Variants in JAZF1 observed in about 807,000 individuals in gnomAD.
JAZF1 encodes juxtaposed with another zinc finger protein 1.
Under a neutral mutation model 26.4 loss-of-function variants are expected in JAZF1, and 8 were observed. The ratio of observed to expected loss-of-function variants is 0.30; its 90% CI spans 0.18 to 0.55. The LOEUF (loss-of-function observed/expected upper bound fraction) is 0.55. Among genes scored for constraint, JAZF1 ranks in the 20% least tolerant of loss-of-function variants. The pLI, the probability that JAZF1 is intolerant of heterozygous loss-of-function variation, is 0.94. For synonymous variants in JAZF1, 126 were observed against 122.3 expected (o/e 1.03, Z -0.20); for missense variants, 199 against 322.0 (o/e 0.62, Z 2.92).
At position 28,160,134 on chromosome 7, in the gene JAZF1, G is replaced by A. The variant is rs118102052; in HGVS notation, c.115+20329C>T. Among the ~76,000 whole-genome samples the A allele has an allele frequency of 3.7e-3, 558 of 152,196 alleles. 1 individual carries two copies. The highest frequency in any genetic ancestry group is 0.01 in the Middle Eastern group (3 of 294). ...ACAGATTACATATAGGACATCAACA[G>A]ATGCACAGTTTATCTGTGGTATTAA... On this transcript the variant is annotated intron_variant, in intron 1 of 4. Coordinates refer to ENST00000283928, the MANE Select transcript of JAZF1 (RefSeq NM_175061.4).
intron 1 of JAZF1, chr7:28,020,802 G>C: frequency 2.4e-6 from 1 of 415,494 alleles, no homozygotes; most frequent in Non-Finnish European, 4.9e-6. Context: ...GCTTCTTTAG[G>C]AGAATTACCA....
At chr7:28,164,604 TA>T (rs34804541) in intron 1 of JAZF1, among the ~76,000 whole-genome samples, 1 of 152,226 alleles carries the variant, frequency 6.6e-6, no homozygotes, top group Non-Finnish European at 1.5e-5. Flanking sequence ...ATGGAATTCA[TA>T]AAATACTACC....
chr7:28,131,982 T>G (rs1411196607), intron 1 of JAZF1, among the ~76,000 whole-genome samples: 1 of 152,142 alleles, frequency 6.6e-6, no homozygotes, highest in Non-Finnish European at 1.5e-5. Flanking sequence ...ACTGACCACA[T>G]AAAATATTGA....
chr7:28,060,085 TATTA>T lies in JAZF1; in HGVS notation c.116-68108_116-68105del, dbSNP rs1209693252. Among the ~76,000 whole-genome samples, 11 of 152,342 alleles carry T rather than the reference TATTA, an allele frequency of 7.2e-5. No individual in the cohort carries two copies. In the East Asian group the frequency reaches 1.5e-3, roughly 21 times the overall value. ...TTTTATTCAATTTTATCTCCTAGCTTATTAATTCTTTATTTGATTCTATCTAATC... is the reference window on the plus strand; with the variant it reads ...TTTTATTCAATTTTATCTCCTAGCTTATTCTTTATTTGATTCTATCTAATC... On this transcript the variant is annotated intron_variant, in intron 1 of 4. Transcript: ENST00000283928.
intron 1 of JAZF1, among the ~76,000 whole-genome samples, chr7:28,034,469 TACACACAC>T (rs59979673): frequency 1.3e-3 from 194 of 145,394 alleles, no homozygotes; most frequent in African/African-American, 3.9e-3. Context: ...AGAAAACTAA[TACACACAC>T]ACACACACAC....
chr7:28,147,780 T>G (rs1583585353), intron 1 of JAZF1, among the ~76,000 whole-genome samples: 1 of 147,248 alleles, frequency 6.8e-6, no homozygotes, highest in Admixed American at 6.8e-5. Flanking sequence ...TACCTGGGAG[T>G]GGGCTGGGGG....
At chr7:27,889,153 T>G (rs975867220) in intron 3 of JAZF1, among the ~76,000 whole-genome samples, 2 of 152,178 alleles carry the variant, frequency 1.3e-5, no homozygotes, top group Admixed American at 1.3e-4. Flanking sequence ...TTTTAAAAAC[T>G]CCCAATGCCC....
chr7:28,132,471 T>C (rs1023706401), intron 1 of JAZF1, among the ~76,000 whole-genome samples: 1 of 152,192 alleles, frequency 6.6e-6, no homozygotes, highest in Non-Finnish European at 1.5e-5. Flanking sequence ...AGGAGTCAAC[T>C]TCAAGGACAT....
intron 1 of JAZF1, among the ~76,000 whole-genome samples, chr7:27,995,419 G>A (rs940336662): frequency 6.6e-6 from 1 of 152,140 alleles, no homozygotes; most frequent in Non-Finnish European, 1.5e-5. Flanking sequence ...GAAGTGACAG[G>A]AAGATAAACT....
At position 27,973,296 on chromosome 7, in the gene JAZF1, G is replaced by A. The variant is rs545465312; in HGVS notation, c.188+18613C>T. ...CACCCAGGCTGGAGTGTGTGTGTGTGTATATATATTTATTTTTATTATTTT... is the reference window on the plus strand; with the variant it reads ...CACCCAGGCTGGAGTGTGTGTGTGTATATATATATTTATTTTTATTATTTT... On this transcript the variant is annotated intron_variant, in intron 2 of 4. Coordinates refer to ENST00000283928, the MANE Select transcript of JAZF1 (RefSeq NM_175061.4). Among the ~76,000 whole-genome samples, 130 of 152,042 alleles carry A rather than the reference G, an allele frequency of 8.6e-4. 1 individual carries two copies. The highest frequency in any genetic ancestry group is 2.8e-3 in the African/African-American group (116 of 41,464).
At chr7:28,141,302 T>C (rs1038784758) in intron 1 of JAZF1, among the ~76,000 whole-genome samples, 2 of 152,210 alleles carry the variant, frequency 1.3e-5, no homozygotes, top group African/African-American at 4.8e-5. Context: ...GAAAGGATTT[T>C]TCAAAGACTT....
intron 2 of JAZF1, among the ~76,000 whole-genome samples, chr7:27,963,241 G>A (rs1194774162): frequency 6.6e-6 from 1 of 152,182 alleles, no homozygotes; most frequent in Admixed American, 6.5e-5. Context: ...GACAATTTTA[G>A]GAGTATGGTA....
rs543286034 is a variant in JAZF1 at position 27,878,129 on chromosome 7, C to T, written c.385+17091G>A. Reference sequence around the variant, plus strand: ...TGGGGTCTCAGGAGTGAACTACGAACATGATGCAGTGTGATTATGGAAACA... The same window carrying T: ...TGGGGTCTCAGGAGTGAACTACGAATATGATGCAGTGTGATTATGGAAACA... On this transcript the variant is annotated intron_variant, in intron 3 of 4. Coordinates refer to ENST00000283928, the MANE Select transcript of JAZF1 (RefSeq NM_175061.4). Among the ~76,000 whole-genome samples the T allele has an allele frequency of 8.5e-5, 13 of 152,152 alleles. No individual in the cohort carries two copies. In the South Asian group the frequency reaches 2.7e-3, roughly 32 times the overall value.
intron 3 of JAZF1, among the ~76,000 whole-genome samples, chr7:27,882,286 C>G (rs1167175859): frequency 1.3e-5 from 2 of 151,098 alleles, no homozygotes; most frequent in Non-Finnish European, 2.9e-5. Context: ...TGTTCCATAC[C>G]AAGCAGAGCC....
chr7:28,074,699 T>G (rs1048708159), intron 1 of JAZF1, among the ~76,000 whole-genome samples: 3 of 152,214 alleles, frequency 2.0e-5, no homozygotes, highest in Non-Finnish European at 4.4e-5. Flanking sequence ...GATCTTTAAA[T>G]TTTGCATAAT....
At chr7:28,128,172 G>A (rs1408791926) in intron 1 of JAZF1, among the ~76,000 whole-genome samples, 1 of 152,164 alleles carries the variant, frequency 6.6e-6, no homozygotes, top group African/African-American at 2.4e-5. Context: ...CTAGGTCAGT[G>A]GTTCCCGAAG....
At chr7:27,966,533 G>T (rs1030934902) in intron 2 of JAZF1, among the ~76,000 whole-genome samples, 3 of 152,138 alleles carry the variant, frequency 2.0e-5, no homozygotes, top group African/African-American at 7.2e-5. Context: ...GTCCAGGAAG[G>T]GAAGGGCACT....
Position 27,864,735 on chromosome 7 carries a change from G to A in JAZF1, c.386-23868C>T, listed in dbSNP as rs1004726453. On this transcript the variant is annotated intron_variant, in intron 3 of 4. Coordinates refer to ENST00000283928, the MANE Select transcript of JAZF1 (RefSeq NM_175061.4). ...ACATTTTTAGGAAAAACTGAGCAAC[G>A]AAAAATGCCAACGTCTCTTCAGGAC... 4.6e-5 allele frequency among the ~76,000 whole-genome samples: 7 copies of A among 152,262 alleles called. No individual in the cohort carries two copies. The South Asian group carries it at 1.2e-3, about 27-fold the overall frequency.
At chr7:28,056,330 A>G (rs564379385) in intron 1 of JAZF1, among the ~76,000 whole-genome samples, 2 of 152,142 alleles carry the variant, frequency 1.3e-5, no homozygotes, top group South Asian at 2.1e-4. Flanking sequence ...GCCTCATGTC[A>G]GATGGGACTC....
Sources: allele counts gnomAD v4.1 joint callset (sites outside exome capture counted in the v4.1 genomes callset), GRCh38; gene constraint gnomAD v4.1.1; transcripts MANE v1.5; gene names NCBI Gene and HGNC (gene_info 2026-07-23, HGNC 2026-07-21).